The following RNF144A variants were observed in gnomAD, a reference collection of about 807,000 sequenced individuals.
RNF144A encodes the protein E3 ubiquitin-protein ligase RNF144A.
Under a neutral mutation model 38.7 loss-of-function variants are expected in RNF144A, and 11 were observed. The observed-to-expected ratio is 0.28, with a 90% CI of 0.18 to 0.47. The LOEUF is 0.47. RNF144A is among the 20% of genes least tolerant of loss of function. RNF144A has a pLI of 0.99. For synonymous variants in RNF144A, 149 were observed against 143.9 expected, an observed-to-expected ratio of 1.04 and a Z score of -0.25; for missense variants, 316 against 377.2, an observed-to-expected ratio of 0.84 and a Z score of 1.34.
intron 5 of RNF144A, among the ~76,000 whole-genome samples, chr2:7,019,642 C>T (rs1021174137): frequency 2.6e-5 from 4 of 152,148 alleles, no homozygotes; most frequent in African/African-American, 9.7e-5. Flanking sequence ...GGCCACTGAT[C>T]GAGAATTCGG....
At chr2:6,994,708 G>T (rs1383377751) in intron 2 of RNF144A, among the ~76,000 whole-genome samples, 1 of 152,206 alleles carries the variant, frequency 6.6e-6, no homozygotes, top group Non-Finnish European at 1.5e-5. Context: ...GTGCTAGCCA[G>T]TCCAGAGGAA....
chr2:7,027,432 G>A (rs365483), intron 7 of RNF144A, among the ~76,000 whole-genome samples: 85,406 of 152,090 alleles, frequency 0.56, 24,463 homozygotes, highest in South Asian at 0.85. Context: ...TTCCCTTAAC[G>A]CACAGTATTT....
chr2:6,958,434 G>A lies in RNF144A; in HGVS notation c.-12+17287G>A, dbSNP rs1043674340. ...ATTTTAGGTAGAGCAGCTGATTAAAGTTCTCGGGCCAGATGTCTTAGTGAT... is the reference window on the plus strand; with the variant it reads ...ATTTTAGGTAGAGCAGCTGATTAAAATTCTCGGGCCAGATGTCTTAGTGAT... On this transcript the variant is annotated intron_variant, in intron 2 of 8. Transcript: ENST00000320892. This position sits in a 1 kb window ranked among gnomAD's most constrained non-coding sequence, Gnocchi z 4.5. Among the ~76,000 whole-genome samples, 30 of 152,340 alleles carry A rather than the reference G, an allele frequency of 2.0e-4. No individual in the cohort carries two copies. Among genetic ancestry groups the A allele is most frequent in the African/African-American group, 7.0e-4 (29 of 41,564 alleles).
chr2:6,956,426 C>T (rs1339045269), intron 2 of RNF144A, among the ~76,000 whole-genome samples: 2 of 152,194 alleles, frequency 1.3e-5, no homozygotes, highest in East Asian at 3.9e-4. Flanking sequence ...CATCTGTACA[C>T]CACACATCTT....
intron 5 of RNF144A, 84 bp downstream of exon 5, chr2:7,014,856 T>C (rs1671040007): frequency 5.2e-6 from 5 of 956,814 alleles, no homozygotes; most frequent in Admixed American, 3.7e-5. Flanking sequence ...TTGGTAGATA[T>C]GGTTATACAG....
intron 3 of RNF144A, among the ~76,000 whole-genome samples, chr2:7,012,976 T>C (rs554127782): frequency 1.6e-4 from 25 of 152,314 alleles, no homozygotes; most frequent in Middle Eastern, 3.4e-3. Context: ...GCCACCAACA[T>C]TGTAATTTGT....
chr2:7,053,544 TTTG>T (rs199749029), intron 6 of RNF144A, among the ~76,000 whole-genome samples: 2,211 of 152,328 alleles, frequency 0.015, 37 homozygotes, highest in South Asian at 0.03. Flanking sequence ...ATCTCAATTT[TTTG>T]TTGTCATCTG....
At chr2:6,928,924 T>C (rs1665048221) in intron 1 of RNF144A, among the ~76,000 whole-genome samples, 1 of 152,164 alleles carries the variant, frequency 6.6e-6, no homozygotes, top group African/African-American at 2.4e-5. Flanking sequence ...GCGTGGCCCC[T>C]TCAGACCCTG....
chr2:6,997,939 A>C (rs1400497601), intron 3 of RNF144A, among the ~76,000 whole-genome samples: 1 of 152,178 alleles, frequency 6.6e-6, no homozygotes, highest in Non-Finnish European at 1.5e-5. Flanking sequence ...GATCTTAAGT[A>C]TTCTCACCAC....
At chr2:6,981,757 G>A (rs1384555103) in intron 2 of RNF144A, among the ~76,000 whole-genome samples, 1 of 152,150 alleles carries the variant, frequency 6.6e-6, no homozygotes, top group East Asian at 1.9e-4. Context: ...TTCTAAAGTT[G>A]CTTCCACATT....
chr2:7,039,901 G>T lies in RNF144A; in HGVS notation c.*141G>T. On this transcript the variant is annotated 3_prime_UTR_variant, in exon 9 of 9. Transcript: ENST00000320892. ...TTCACAGTGTCAGGCTGGACGCCGT[G>T]ATTTCAGGGACCTATGTCACAATGT... 1 of 1,443,376 alleles carries T rather than the reference G, an allele frequency of 6.9e-7. No individual in the cohort carries two copies. 89.4% of individuals were successfully genotyped at this position (1,443,376 alleles called of 1,614,324 possible). A position where few individuals can be genotyped will look rare whatever the true frequency, so the allele number is the denominator to read the frequency against.
At position 7,042,186 on chromosome 2, in the gene RNF144A, G is replaced by T; in HGVS notation, c.*2426G>T. On this transcript the variant is annotated 3_prime_UTR_variant, in exon 9 of 9. Transcript: ENST00000320892. Reference sequence around the variant, plus strand: ...GATACATAAACTCGCATTTCCTTCTGTTTTAGTAAGGAGTGCCAGACTTAT... The same window carrying T: ...GATACATAAACTCGCATTTCCTTCTTTTTTAGTAAGGAGTGCCAGACTTAT... 1 of 985,330 alleles carries T rather than the reference G, an allele frequency of 1.0e-6. No individual in the cohort carries two copies. The highest frequency in any genetic ancestry group is 1.2e-6 in the Non-Finnish European group (1 of 829,834). 61.0% of individuals were successfully genotyped at this position (985,330 alleles called of 1,614,324 possible). A position where few individuals can be genotyped will look rare whatever the true frequency, so the allele number is the denominator to read the frequency against.
chr2:7,020,578 A>G lies in RNF144A; in HGVS notation c.407A>G (p.Lys136Arg). 6.2e-7 allele frequency: 1 copy of G among 1,612,824 alleles called. No individual in the cohort carries two copies. The highest frequency in any genetic ancestry group is 8.5e-7 in the Non-Finnish European group (1 of 1,179,988). ...GLQTPQPVQCKACRMEFCSTC... is the reference protein window; with the variant it reads ...GLQTPQPVQCRACRMEFCSTC... ...CAGACCCCCCAGCCAGTGCAGTGCA[A>G]AGCCTGCCGTATGGAATTCTGCTCC... The change falls in exon 6 of 9, where the codon AAA becomes AGA. Residue 136 changes from lysine to arginine, a missense_variant. By Grantham distance (26) the Lys-to-Arg change is conservative. Coordinates refer to ENST00000320892, the MANE Select transcript of RNF144A (RefSeq NM_014746.6).
chr2:6,925,459 T>TC (rs1238916849), intron 1 of RNF144A, among the ~76,000 whole-genome samples: 3 of 151,930 alleles, frequency 2.0e-5, no homozygotes, highest in Non-Finnish European at 2.9e-5. Flanking sequence ...TCCTCCCCCT[T>TC]CCCCCCCAGT....
At chr2:7,072,919 G>C (rs963308314), downstream of RNF144A, among the ~76,000 whole-genome samples, 2 of 152,192 alleles carry the variant, frequency 1.3e-5, no homozygotes, top group Admixed American at 6.5e-5. Flanking sequence ...TCATGGGCCA[G>C]AATGAACTAG....
At chr2:7,050,675 T>C (rs1375305500) in intron 6 of RNF144A, among the ~76,000 whole-genome samples, 2 of 152,238 alleles carry the variant, frequency 1.3e-5, no homozygotes, top group African/African-American at 4.8e-5. Flanking sequence ...CACCGTTGCC[T>C]ATATTTCAGT....
At chr2:7,023,500 A>G (rs1671668357) in intron 6 of RNF144A, among the ~76,000 whole-genome samples, 1 of 152,202 alleles carries the variant, frequency 6.6e-6, no homozygotes, top group East Asian at 1.9e-4. Flanking sequence ...TTCCAACAAT[A>G]TAGCAAATGG....
intron 2 of RNF144A, among the ~76,000 whole-genome samples, chr2:6,967,694 A>G (rs1305841066): frequency 1.3e-5 from 2 of 152,176 alleles, no homozygotes; most frequent in East Asian, 1.9e-4. Context: ...ACTTCTTCAC[A>G]TCTACAACTG....
chr2:6,991,170 G>A (rs570831621), intron 2 of RNF144A, among the ~76,000 whole-genome samples: 58 of 152,322 alleles, frequency 3.8e-4, no homozygotes, highest in Middle Eastern at 3.4e-3. Context: ...GTGAACATAA[G>A]TCTTCACATT....
Sources: allele counts gnomAD v4.1 joint callset (sites outside exome capture counted in the v4.1 genomes callset), GRCh38; gene constraint gnomAD v4.1.1; non-coding constraint Gnocchi (gnomAD v3.1); transcripts MANE v1.5; gene names NCBI Gene and HGNC (gene_info 2026-07-23, HGNC 2026-07-21).